Variants in BANK1 observed in about 807,000 individuals in gnomAD.
BANK1 encodes B-cell scaffold protein with ankyrin repeats.
In BANK1, 95 loss-of-function variants were observed where a neutral mutation model predicts 94.5. That is an observed-to-expected ratio of 1.00 (90% CI 0.85 to 1.19). The LOEUF (loss-of-function observed/expected upper bound fraction) is 1.19, where lower values mean the gene tolerates loss of function less well. BANK1 is among the 50% of genes most tolerant of loss of function. The pLI is 0.00. For synonymous variants in BANK1, 334 were observed against 308.4 expected (o/e 1.08, Z -0.87); for missense variants, 987 against 932.2 (o/e 1.06, Z -0.77).
intron 1 of BANK1, among the ~76,000 whole-genome samples, chr4:101,793,113 A>C (rs577190681): frequency 6.6e-6 from 1 of 152,272 alleles, no homozygotes; most frequent in South Asian, 2.1e-4. Context: ...ATCTGATGAA[A>C]CTTTAATAAA....
chr4:102,047,338 C>T (rs1727909183), intron 11 of BANK1, among the ~76,000 whole-genome samples: 1 of 152,142 alleles, frequency 6.6e-6, no homozygotes, highest in African/African-American at 2.4e-5. Flanking sequence ...TCATGAAACA[C>T]TTTAATACAC....
intron 1 of BANK1, among the ~76,000 whole-genome samples, chr4:101,823,200 A>G (rs1233115343): frequency 6.6e-6 from 1 of 152,230 alleles, no homozygotes; most frequent in East Asian, 1.9e-4. Flanking sequence ...AATTATTGGT[A>G]AACTTGGAAA....
At chr4:102,069,200 A>G (rs1212123979) in intron 13 of BANK1, among the ~76,000 whole-genome samples, 1 of 152,228 alleles carries the variant, frequency 6.6e-6, no homozygotes, top group East Asian at 1.9e-4. Flanking sequence ...GTAAAAGTAT[A>G]ACAAATAATT....
intron 7 of BANK1, among the ~76,000 whole-genome samples, chr4:101,940,307 A>C (rs1723700558): frequency 6.6e-6 from 1 of 151,524 alleles, no homozygotes; most frequent in East Asian, 1.9e-4. Context: ...TTAGTATTTT[A>C]GAATAGTTTT....
At chr4:101,862,726 A>T in intron 4 of BANK1, 62 bp downstream of exon 4, 3 of 1,430,354 alleles carry the variant, frequency 2.1e-6, no homozygotes, top group Non-Finnish European at 2.8e-6. Flanking sequence ...CAATAAATTT[A>T]TAATAAATGG....
intron 6 of BANK1, among the ~76,000 whole-genome samples, chr4:101,896,354 G>A (rs1722079029): frequency 6.6e-6 from 1 of 151,902 alleles, no homozygotes; most frequent in South Asian, 2.1e-4. Flanking sequence ...TTAATGAGCA[G>A]AGTTTTATTT....
chr4:101,934,582 A>G (rs749311238), intron 7 of BANK1, among the ~76,000 whole-genome samples: 3 of 151,500 alleles, frequency 2.0e-5, no homozygotes, highest in South Asian at 2.1e-4. Flanking sequence ...ATTTCTGTCA[A>G]AACAAGACAA....
intron 1 of BANK1, among the ~76,000 whole-genome samples, chr4:101,820,534 T>C (rs1449956638): frequency 1.3e-5 from 2 of 152,208 alleles, no homozygotes; most frequent in Non-Finnish European, 2.9e-5. Flanking sequence ...GGTAAACTCA[T>C]GTCATGGGGG....
chr4:101,975,512 G>T (rs1243809408), intron 7 of BANK1, among the ~76,000 whole-genome samples: 1 of 152,150 alleles, frequency 6.6e-6, no homozygotes, highest in Non-Finnish European at 1.5e-5. Context: ...ACTTTGCTCT[G>T]CCTCTTTCTA....
At chr4:102,063,214 G>T (rs1677251087) in intron 13 of BANK1, 76 bp downstream of exon 13, 1 of 1,325,612 alleles carries the variant, frequency 7.5e-7, no homozygotes, top group African/African-American at 1.5e-5. Flanking sequence ...GAGATGATTG[G>T]GCCTGAGTTC....
chr4:101,919,661 G>A (rs1384926487), intron 7 of BANK1, among the ~76,000 whole-genome samples: 1 of 151,912 alleles, frequency 6.6e-6, no homozygotes, highest in Non-Finnish European at 1.5e-5. Flanking sequence ...TAATTCTTGT[G>A]TGAAATATGT....
intron 5 of BANK1, among the ~76,000 whole-genome samples, chr4:101,885,644 A>G (rs1030550138): frequency 6.6e-6 from 1 of 152,190 alleles, no homozygotes; most frequent in African/African-American, 2.4e-5. Context: ...TTTGACATCT[A>G]TGTGTGTGAC....
At chr4:101,862,799 AC>A in intron 4 of BANK1, 135 bp downstream of exon 4, 1 of 913,786 alleles carries the variant, frequency 1.1e-6, no homozygotes, top group Non-Finnish European at 1.5e-6. Context: ...GTTTTCACAT[AC>A]CCAAGGTTGT....
intron 7 of BANK1, among the ~76,000 whole-genome samples, chr4:101,931,020 A>T (rs1047887467): frequency 6.6e-6 from 1 of 151,578 alleles, no homozygotes; most frequent in African/African-American, 2.4e-5. Flanking sequence ...CAGTAAAAGA[A>T]AATACCAAAT....
At chr4:101,921,444 A>C (rs1404861693) in intron 7 of BANK1, among the ~76,000 whole-genome samples, 2 of 151,956 alleles carry the variant, frequency 1.3e-5, no homozygotes, top group African/African-American at 2.4e-5. Context: ...TAAAACGTGC[A>C]TGAAAAGTTG....
In BANK1 at chr4:102,007,097, A is replaced by AT. The variant is rs1553940654; in HGVS notation, c.1207-14414dup. On this transcript the variant is annotated intron_variant, in intron 7 of 16. Transcript: ENST00000322953. ...ATATATATAAATATATATATAATAT[A>AT]TTTATATATATATAAATATATATTT... Among the ~76,000 whole-genome samples, 5 of 77,028 alleles carry AT rather than the reference A, an allele frequency of 6.5e-5. 1 individual carries two copies. In the South Asian group the frequency reaches 1.8e-3, roughly 27 times the overall value. The allele number at this position is 77,028 out of a possible 152,430, so 50.5% of individuals were successfully genotyped here. A position where few individuals can be genotyped will look rare whatever the true frequency, so the allele number is the denominator to read the frequency against.
intron 4 of BANK1, among the ~76,000 whole-genome samples, chr4:101,862,891 C>T (rs1727933693): frequency 6.6e-6 from 1 of 151,938 alleles, no homozygotes; most frequent in Admixed American, 6.6e-5. Flanking sequence ...GAAATGACAT[C>T]CAGTAACATC....
chr4:101,793,532 C>A (rs2148847350), intron 1 of BANK1, among the ~76,000 whole-genome samples: 1 of 152,280 alleles, frequency 6.6e-6, no homozygotes, highest in East Asian at 1.9e-4. Flanking sequence ...ACACTTGGGA[C>A]AGTAGAGGAA....
intron 7 of BANK1, among the ~76,000 whole-genome samples, chr4:101,993,644 A>C (rs1314595001): frequency 1.3e-5 from 2 of 152,178 alleles, no homozygotes; most frequent in Non-Finnish European, 2.9e-5. Flanking sequence ...GTCTTGAAAA[A>C]TTGTAGCCAC....
Sources: gnomAD v4.1 joint callset for allele counts (sites outside exome capture counted in the v4.1 genomes callset) on GRCh38, gnomAD v4.1.1 for gene constraint, MANE v1.5 for transcripts, NCBI Gene and HGNC (gene_info 2026-07-23, HGNC 2026-07-21) for gene names.